The following KCTD8 variants were observed in gnomAD, a reference collection of about 807,000 sequenced individuals.
KCTD8 encodes the protein potassium channel tetramerization domain containing 8.
A neutral mutation model predicts 31.5 loss-of-function variants in KCTD8; 27 were observed. The ratio of observed to expected loss-of-function variants is 0.86; its 90% CI spans 0.63 to 1.18. The LOEUF (loss-of-function observed/expected upper bound fraction) is 1.18. KCTD8 is among the 50% of genes most tolerant of loss of function. The pLI is 0.00. For missense variants in KCTD8, 658 were observed against 647.7 expected, an observed-to-expected ratio of 1.02 and a Z score of -0.17; for synonymous variants, 290 against 280.0, an observed-to-expected ratio of 1.04 and a Z score of -0.36.
At chr4:44,326,099 G>C (rs1718437161) in intron 1 of KCTD8, among the ~76,000 whole-genome samples, 1 of 151,918 alleles carries the variant, frequency 6.6e-6, no homozygotes, top group Non-Finnish European at 1.5e-5. Flanking sequence ...TGCTTCTTCA[G>C]TTAGGTTCAC....
chr4:44,392,516 G>T (rs538835481), intron 1 of KCTD8, among the ~76,000 whole-genome samples: 1 of 151,880 alleles, frequency 6.6e-6, no homozygotes, highest in Non-Finnish European at 1.5e-5. Flanking sequence ...AAAGGTGTAG[G>T]TGTGCTTGAA....
At chr4:44,197,170 TA>T (rs1437630188) in intron 1 of KCTD8, among the ~76,000 whole-genome samples, 1 of 151,990 alleles carries the variant, frequency 6.6e-6, no homozygotes, top group Non-Finnish European at 1.5e-5. Context: ...TTGGTTTGGG[TA>T]ATGTCCAAGC....
chr4:44,324,058 C>CAAAAAAAAAAAAAAAAAAAAAAAAAAA (rs1718379917), intron 1 of KCTD8, among the ~76,000 whole-genome samples: 1 of 126,834 alleles, frequency 7.9e-6, no homozygotes, highest in Non-Finnish European at 1.7e-5. Flanking sequence ...AAAAAAAAAA[C>CAAAAAAAAAAAAAAAAAAAAAAAAAAA]AAAACAAAAC....
chr4:44,266,175 T>A lies in KCTD8; in HGVS notation c.962-90925A>T, dbSNP rs541688834. ...TGGGTTACCCACAAAGGGAAGCCCATCAGACTAACAGCGGATCTCTCAGCA... is the reference window on the plus strand; with the variant it reads ...TGGGTTACCCACAAAGGGAAGCCCAACAGACTAACAGCGGATCTCTCAGCA... On this transcript the variant is annotated intron_variant, in intron 1 of 1. Transcript: ENST00000360029. Among the ~76,000 whole-genome samples the A allele has an allele frequency of 1.2e-4, 19 of 152,230 alleles. No homozygotes were observed. The South Asian group carries it at 3.7e-3, about 30-fold the overall frequency.
chr4:44,435,184 C>T (rs1721612662), intron 1 of KCTD8, among the ~76,000 whole-genome samples: 1 of 151,962 alleles, frequency 6.6e-6, no homozygotes, highest in Non-Finnish European at 1.5e-5. Flanking sequence ...TACAATTCAA[C>T]TGAGATGCTA....
intron 1 of KCTD8, among the ~76,000 whole-genome samples, chr4:44,267,505 A>G (rs1232684625): frequency 6.6e-6 from 1 of 152,200 alleles, no homozygotes; most frequent in African/African-American, 2.4e-5. Context: ...AAGAGCAAAC[A>G]CATTCAAAAG....
intron 1 of KCTD8, among the ~76,000 whole-genome samples, chr4:44,263,400 G>A (rs911318072): frequency 2.0e-5 from 3 of 152,076 alleles, no homozygotes; most frequent in African/African-American, 7.2e-5. Context: ...GTTGCCTCTG[G>A]GAGAAAAGAC....
intron 1 of KCTD8, among the ~76,000 whole-genome samples, chr4:44,413,139 A>G (rs1266304851): frequency 2.0e-5 from 3 of 152,192 alleles, no homozygotes; most frequent in African/African-American, 7.2e-5. Flanking sequence ...ATATTCTATC[A>G]CATCAGTGCC....
intron 1 of KCTD8, among the ~76,000 whole-genome samples, chr4:44,410,500 T>C (rs2109463414): frequency 6.6e-6 from 1 of 152,266 alleles, no homozygotes; most frequent in South Asian, 2.1e-4. Context: ...TTTCCCAAAT[T>C]CTTAATGAAA....
At chr4:44,266,257 G>A (rs1431878852) in intron 1 of KCTD8, among the ~76,000 whole-genome samples, 1 of 151,870 alleles carries the variant, frequency 6.6e-6, no homozygotes, top group Non-Finnish European at 1.5e-5. Context: ...TTAAAGAAAA[G>A]AATTTTCAAC....
At chr4:44,185,576 T>A (rs1258063520) in intron 1 of KCTD8, among the ~76,000 whole-genome samples, 2 of 152,194 alleles carry the variant, frequency 1.3e-5, no homozygotes, top group Non-Finnish European at 2.9e-5. Flanking sequence ...GTGACTCCAA[T>A]ATACTTGTTT....
intron 1 of KCTD8, among the ~76,000 whole-genome samples, chr4:44,367,598 A>G (rs984993236): frequency 5.3e-5 from 8 of 152,178 alleles, no homozygotes; most frequent in Admixed American, 3.3e-4. Context: ...GCCCCAACAT[A>G]CTTGAAATTA....
intron 1 of KCTD8, among the ~76,000 whole-genome samples, chr4:44,235,266 G>A (rs1715242423): frequency 1.3e-5 from 2 of 149,660 alleles, no homozygotes; most frequent in African/African-American, 2.5e-5. Flanking sequence ...CTTCAGATCT[G>A]GAAGAGTTAA....
intron 1 of KCTD8, among the ~76,000 whole-genome samples, chr4:44,231,756 G>C (rs568316994): frequency 6.6e-6 from 1 of 152,050 alleles, no homozygotes; most frequent in Admixed American, 6.6e-5. Flanking sequence ...AATTTTTCTG[G>C]AATGAGTAAA....
intron 1 of KCTD8, among the ~76,000 whole-genome samples, chr4:44,329,387 G>A (rs1002066250): frequency 3.3e-5 from 5 of 151,704 alleles, no homozygotes; most frequent in Admixed American, 1.3e-4. Flanking sequence ...AATTTTTGAG[G>A]AAAGGAAAAA....
intron 1 of KCTD8, among the ~76,000 whole-genome samples, chr4:44,300,807 C>T (rs1577602117): frequency 6.6e-6 from 1 of 151,850 alleles, no homozygotes; most frequent in East Asian, 1.9e-4. Context: ...TGCTGGTGTG[C>T]TGCACCCATT....
At chr4:44,175,433 A>C (rs1713187157) in intron 1 of KCTD8, among the ~76,000 whole-genome samples, 183 bp from the exon 2 acceptor site, 1 of 152,222 alleles carries the variant, frequency 6.6e-6, no homozygotes, top group South Asian at 2.1e-4. Flanking sequence ...TTTAGTGTAC[A>C]TTGAAAGATG....
intron 1 of KCTD8, among the ~76,000 whole-genome samples, chr4:44,244,850 G>T (rs1043239620): frequency 6.5e-5 from 6 of 91,642 alleles, no homozygotes; most frequent in East Asian, 3.5e-4. Flanking sequence ...GTAGTTGTGG[G>T]GGGGGGGGGG....
At chr4:44,362,725 C>G (rs1719530168) in intron 1 of KCTD8, among the ~76,000 whole-genome samples, 3 of 150,516 alleles carry the variant, frequency 2.0e-5, no homozygotes. Context: ...AAAGAGGATA[C>G]CAGTATAACT....
Sources: gnomAD v4.1 joint callset for allele counts (sites outside exome capture counted in the v4.1 genomes callset) on GRCh38, gnomAD v4.1.1 for gene constraint, MANE v1.5 for transcripts, NCBI Gene and HGNC (gene_info 2026-07-23, HGNC 2026-07-21) for gene names.